The following HK1 variants were observed in gnomAD, a reference collection of about 807,000 sequenced individuals.
The protein encoded by HK1 is hexokinase 1, also known as hexokinase-1.
In HK1, 28 loss-of-function variants were observed where a neutral mutation model predicts 91.6. The ratio of observed to expected loss-of-function variants is 0.31; its 90% CI spans 0.23 to 0.42. HK1 has a LOEUF of 0.42. Ranked by LOEUF, HK1 falls within the 10% of genes least tolerant of loss-of-function variation. HK1 has a pLI of 1.00. For missense variants in HK1, 770 were observed against 1,219.8 expected (o/e 0.63, Z 5.49); for synonymous variants, 430 against 468.1 (o/e 0.92, Z 1.05).
chr10:69,350,754 T>C lies in HK1; in HGVS notation c.226+6765T>C, dbSNP rs77644450. 5.9e-5 allele frequency among the ~76,000 whole-genome samples: 9 copies of C among 152,242 alleles called. No individual in the cohort carries two copies. In the East Asian group the frequency reaches 1.7e-3, roughly 29 times the overall value. On this transcript the variant is annotated intron_variant, in intron 2 of 17. Coordinates refer to ENST00000359426, the MANE Select transcript of HK1 (RefSeq NM_000188.3). ...TTAAGTAAAATATTAAAATAAAAAG[T>C]ACCGATCATTTCATCTCAGTGTAGT... is the stretch of plus-strand genomic sequence containing the variant.
chr10:69,321,544 TC>T (rs750813525), intron 1 of HK1, among the ~76,000 whole-genome samples: 44 of 152,298 alleles, frequency 2.9e-4, no homozygotes, highest in Non-Finnish European at 5.1e-4. Context: ...GTAGGCAGCC[TC>T]CGGGGCTCTG....
In HK1 at chr10:69,398,659, G is replaced by A. The variant is rs757270373; in HGVS notation, c.2440G>A (p.Asp814Asn). The A allele has an allele frequency of 6.2e-7, 1 of 1,614,172 alleles. No individual in the cohort carries two copies. Among genetic ancestry groups the A allele is most frequent in the Non-Finnish European group, 8.5e-7 (1 of 1,180,024 alleles). Residue 814 changes from aspartate to asparagine, a missense_variant, in exon 17 of 18, where the codon GAT becomes AAT. By Grantham distance (23) the Asp-to-Asn change is conservative. Around this residue, in one of 7 missense-constraint regions of HK1, gnomAD observed 25 missense variants for 74.1 expected, o/e 0.34. Transcript: ENST00000359426. ...LQQLGLNSTC[D>N]DSILVKTVCG... is the part of the protein sequence containing the mutation. Reference sequence around the variant, plus strand: ...GCAGCTAGGTCTGAATAGCACCTGCGATGACAGTATCCTCGTCAAGACAGT... The same window carrying A: ...GCAGCTAGGTCTGAATAGCACCTGCAATGACAGTATCCTCGTCAAGACAGT...
chr10:69,379,805 G>T, intron 8 of HK1, 57 bp from the exon 9 acceptor site: 2 of 1,244,310 alleles, frequency 1.6e-6, no homozygotes, highest in Non-Finnish European at 2.4e-6. Context: ...GAGCCTCAGT[G>T]CTTTGCACTG....
chr10:69,386,478 T>C, intron 13 of HK1, 60 bp downstream of exon 13: 1 of 1,350,934 alleles, frequency 7.4e-7, no homozygotes, highest in Non-Finnish European at 1.0e-6. Flanking sequence ...CTAAAAAGTG[T>C]ATTTGCCTGT....
At chr10:69,308,168 T>C (rs12255367) in intron 5 of HK1, among the ~76,000 whole-genome samples, 12,947 of 152,178 alleles carry the variant, frequency 0.085, 1,415 homozygotes, top group African/African-American at 0.25. Flanking sequence ...GGAAAGCGGT[T>C]CCCAACCTTT....
At chr10:69,289,628 T>C (rs1452560626) in intron 3 of HK1, among the ~76,000 whole-genome samples, 3 of 151,782 alleles carry the variant, frequency 2.0e-5, no homozygotes, top group Non-Finnish European at 4.4e-5. Flanking sequence ...TGCGCCACCA[T>C]GCCTGGCTAA....
chr10:69,400,573 T>A (rs1253128203), intron 17 of HK1, among the ~76,000 whole-genome samples: 1 of 152,110 alleles, frequency 6.6e-6, no homozygotes, highest in Non-Finnish European at 1.5e-5. Context: ...GCCCCTAACA[T>A]CCTCCTTGGT....
intron 2 of HK1, among the ~76,000 whole-genome samples, chr10:69,344,958 C>CTGT: frequency 6.6e-6 from 1 of 152,108 alleles, no homozygotes; most frequent in Non-Finnish European, 1.5e-5. Context: ...ACAGCTTTCA[C>CTGT]ACACCCCTGC....
intron 1 of HK1, among the ~76,000 whole-genome samples, chr10:69,330,290 T>C (rs1478590664): frequency 6.6e-6 from 1 of 152,202 alleles, no homozygotes; most frequent in Non-Finnish European, 1.5e-5. Context: ...CTTTACAAAG[T>C]TCTGTTTCAT....
Position 69,389,480 on chromosome 10 carries a change from G to T in HK1, c.2035+184G>T, listed in dbSNP as rs539860255. ...AGCAGAGTCTCTGGCGGGGGGAGGT[G>T]GGGGGGCCTTTCTTAAGACACCCAT... On this transcript the variant is annotated intron_variant, in intron 14 of 17. Transcript: ENST00000359426. 7.5e-4 allele frequency: 468 copies of T among 621,544 alleles called. 20 individuals are homozygous for T. Among genetic ancestry groups the T allele is most frequent in the African/African-American group, 1.4e-3 (75 of 54,504 alleles). 38.5% of individuals were successfully genotyped at this position (621,544 alleles called of 1,614,324 possible). A position where few individuals can be genotyped will look rare whatever the true frequency, so the allele number is the denominator to read the frequency against.
At position 69,276,118 on chromosome 10, in the gene HK1, A is replaced by AAAAATATATATATATATAT; in HGVS notation, c.-391+6011_-391+6012insAAATATATATATATATATA. On this transcript the variant is annotated intron_variant, in intron 1 of 21. Transcript: ENST00000360289. Reference sequence around the variant, plus strand: ...AAAAAAAAAAAAAAAAAAAAAAAAAAATACATATATATATATATATACACA... The same window carrying AAAAATATATATATATATAT: ...AAAAAAAAAAAAAAAAAAAAAAAAAAAAAATATATATATATATATATACATATATATATATATATACACA... 1.3e-3 allele frequency among the ~76,000 whole-genome samples: 49 copies of AAAAATATATATATATATAT among 38,260 alleles called. 9 individuals are homozygous for AAAAATATATATATATATAT. The highest frequency in any genetic ancestry group is 2.1e-3 in the Non-Finnish European group (41 of 19,630). 25.1% of individuals were successfully genotyped at this position (38,260 alleles called of 152,430 possible).
chr10:69,310,147 A>G (rs199789822), intron 5 of HK1, among the ~76,000 whole-genome samples: 3 of 146,062 alleles, frequency 2.1e-5, no homozygotes, highest in East Asian at 4.2e-4. Flanking sequence ...CTGGCCAGGC[A>G]TGGTGGCTCA....
Position 69,359,998 on chromosome 10 carries a change from G to A in HK1, c.328G>A (p.Glu110Lys), listed in dbSNP as rs757935354. ...AAACCAGAATGTTCACATGGAGTCCGAGGTTTATGACACCCCAGAGAACAT... is the reference window on the plus strand; with the variant it reads ...AAACCAGAATGTTCACATGGAGTCCAAGGTTTATGACACCCCAGAGAACAT... ...EKNQNVHMES[E>K]VYDTPENIVH... The change falls in exon 3 of 18, where the codon GAG becomes AAG. Residue 110 changes from glutamate (E) to lysine (K), a missense_variant. By Grantham distance (56) the Glu-to-Lys change is moderately conservative. Around this residue, in one of 7 missense-constraint regions of HK1, gnomAD observed 449 missense variants for 665.1 expected, o/e 0.68. Transcript: ENST00000359426. 1.1e-5 allele frequency: 18 copies of A among 1,614,182 alleles called. No homozygotes were observed. Among genetic ancestry groups the A allele is most frequent in the Admixed American group, 3.3e-5 (2 of 60,034 alleles).
chr10:69,311,759 C>G (rs1364283202), upstream of HK1, among the ~76,000 whole-genome samples: 1 of 152,154 alleles, frequency 6.6e-6, no homozygotes, highest in Admixed American at 6.5e-5. Flanking sequence ...GCCTCAGCCT[C>G]CCGAGTAGCT....
chr10:69,271,634 C>T (rs984341270), intron 1 of HK1, among the ~76,000 whole-genome samples: 10 of 151,754 alleles, frequency 6.6e-5, no homozygotes, highest in Non-Finnish European at 1.2e-4. Flanking sequence ...CCTCCCACCA[C>T]GCCCGGCTAA....
chr10:69,361,287 C>T (rs1005307461), intron 3 of HK1, among the ~76,000 whole-genome samples: 8 of 152,344 alleles, frequency 5.3e-5, no homozygotes, highest in African/African-American at 1.9e-4. Flanking sequence ...CCAAGGGCTC[C>T]CCTGCTACTC....
rs1190698797 is a variant in HK1 at position 69,369,635 on chromosome 10, G to A, written c.875+11G>A. ...CCCTGGAAAACAGCTGTGAGTCCTT[G>A]ACTTTTGCTTCTAACCACATATGTG... On this transcript the variant is annotated intron_variant, in intron 7 of 17. Coordinates refer to ENST00000359426, the MANE Select transcript of HK1 (RefSeq NM_000188.3). The surrounding 1 kb of genome is among the most constrained non-coding windows in gnomAD (Gnocchi z 4.4). 6.2e-7 allele frequency: 1 copy of A among 1,612,238 alleles called. No individual in the cohort carries two copies. Among genetic ancestry groups the A allele is most frequent in the East Asian group, 2.2e-5 (1 of 44,866 alleles).
chr10:69,276,946 C>T (rs1423291648), intron 1 of HK1, among the ~76,000 whole-genome samples: 1 of 151,950 alleles, frequency 6.6e-6, no homozygotes, highest in Non-Finnish European at 1.5e-5. Flanking sequence ...TCTCTTACCC[C>T]TATAGCCCAT....
At chr10:69,330,937 T>G (rs1435875108) in intron 1 of HK1, among the ~76,000 whole-genome samples, 1 of 151,928 alleles carries the variant, frequency 6.6e-6, no homozygotes, top group East Asian at 1.9e-4. Flanking sequence ...TGGAGTGCAG[T>G]GGTGCAGTCT....
Sources: allele counts gnomAD v4.1 joint callset (sites outside exome capture counted in the v4.1 genomes callset), GRCh38; gene constraint gnomAD v4.1.1; regional missense constraint gnomAD v4.1.1; non-coding constraint Gnocchi (gnomAD v3.1); transcripts MANE v1.5; gene names NCBI Gene and HGNC (gene_info 2026-07-23, HGNC 2026-07-21).